PRKD1: variants seen among roughly 807,000 people sequenced by gnomAD.
The protein encoded by PRKD1 is protein kinase D1, also known as serine/threonine-protein kinase D1.
In PRKD1, 63 loss-of-function variants were observed where a neutral mutation model predicts 95.9. The observed-to-expected ratio is 0.66, with a 90% CI of 0.54 to 0.81. PRKD1 has a LOEUF of 0.81. PRKD1 is among the 30% of genes least tolerant of loss of function. PRKD1 has a pLI of 0.00. For missense variants in PRKD1, 1,048 were observed against 1,165.3 expected (o/e 0.90, Z 1.47); for synonymous variants, 425 against 423.1 (o/e 1.00, Z -0.05).
rs1339474902 is a variant in PRKD1 at position 29,927,379 on chromosome 14, G to A, written c.134C>T (p.Pro45Leu). 1.8e-5 allele frequency: 28 copies of A among 1,555,992 alleles called. No homozygotes were observed. Among genetic ancestry groups the A allele is most frequent in the Admixed American group, 3.7e-5 (2 of 53,692 alleles). The change falls in exon 1 of 18, where the codon CCG becomes CTG. Residue 45 changes from proline (P) to leucine (L), a missense_variant. Physicochemically the swap from Pro to Leu is moderately conservative, Grantham distance 98. Transcript: ENST00000331968. ...PAPFLAPVAA[P>L]VGGISFHLQI... ...CAGATGGAACGAGATGCCCCCGACCGGGGCCGCGACAGGAGCCAAGAACGG... is the reference window on the plus strand; with the variant it reads ...CAGATGGAACGAGATGCCCCCGACCAGGGCCGCGACAGGAGCCAAGAACGG...
chr14:29,757,455 A>C (rs1279715935), intron 1 of PRKD1, among the ~76,000 whole-genome samples: 1 of 152,128 alleles, frequency 6.6e-6, no homozygotes, highest in East Asian at 1.9e-4. Flanking sequence ...CTGAGCAAAG[A>C]GAGAAGAGGC....
At chr14:29,911,227 T>C (rs756517009) in intron 1 of PRKD1, among the ~76,000 whole-genome samples, 3 of 152,184 alleles carry the variant, frequency 2.0e-5, no homozygotes, top group South Asian at 2.1e-4. Context: ...AAATCAAATA[T>C]CTTAAATTTA....
chr14:29,875,515 T>C (rs1484167289), intron 1 of PRKD1, among the ~76,000 whole-genome samples: 3 of 152,218 alleles, frequency 2.0e-5, no homozygotes, highest in Non-Finnish European at 4.4e-5. Flanking sequence ...ATTGTTGGCA[T>C]AATATTGTTT....
intron 1 of PRKD1, among the ~76,000 whole-genome samples, chr14:29,789,315 ATT>A (rs1487805384): frequency 1.3e-5 from 2 of 151,834 alleles, no homozygotes; most frequent in African/African-American, 4.8e-5. Context: ...TTGCTTTTTC[ATT>A]TTTCTGTGCC....
At chr14:29,872,332 A>G (rs1227024305) in intron 1 of PRKD1, among the ~76,000 whole-genome samples, 3 of 152,218 alleles carry the variant, frequency 2.0e-5, no homozygotes, top group Admixed American at 1.3e-4. Context: ...ACTAGAATGA[A>G]AAGGAAAAAA....
At chr14:29,782,840 G>A (rs1250400873) in intron 1 of PRKD1, among the ~76,000 whole-genome samples, 1 of 152,038 alleles carries the variant, frequency 6.6e-6, no homozygotes, top group East Asian at 1.9e-4. Flanking sequence ...CACTGCCCCT[G>A]GCCCAAATTG....
intron 1 of PRKD1, among the ~76,000 whole-genome samples, chr14:29,763,928 C>G (rs955248956): frequency 1.3e-5 from 2 of 152,124 alleles, no homozygotes; most frequent in African/African-American, 4.8e-5. Flanking sequence ...CTAAATTACC[C>G]TTCCCTTCCT....
At chr14:29,724,973 T>C (rs1424243571) in intron 2 of PRKD1, among the ~76,000 whole-genome samples, 1 of 152,076 alleles carries the variant, frequency 6.6e-6, no homozygotes, top group Non-Finnish European at 1.5e-5. Flanking sequence ...AAACAAGAAA[T>C]AAAAAATGTG....
At chr14:29,738,602 A>C (rs1452100339) in intron 1 of PRKD1, among the ~76,000 whole-genome samples, 2 of 152,026 alleles carry the variant, frequency 1.3e-5, no homozygotes, top group Non-Finnish European at 2.9e-5. Flanking sequence ...AACCCATCTT[A>C]CTTTGTTATT....
At chr14:29,917,050 G>C (rs902727600) in intron 1 of PRKD1, among the ~76,000 whole-genome samples, 2 of 152,104 alleles carry the variant, frequency 1.3e-5, no homozygotes, top group Admixed American at 6.6e-5. Context: ...TAGAAGGGAG[G>C]GGGGGAAATG....
rs76123363 is a variant in PRKD1, at chr14:29,909,322, G to T, written c.264+17927C>A. Among the ~76,000 whole-genome samples the T allele has an allele frequency of 1.9e-4, 7 of 37,592 alleles. No individual in the cohort carries two copies. The Admixed American group carries it at 2.9e-3, about 15-fold the overall frequency. The allele number at this position is 37,592 out of a possible 152,430, so 24.7% of individuals were successfully genotyped here. On this transcript the variant is annotated intron_variant, in intron 1 of 17. Transcript: ENST00000331968. ...CCCCCCATGGGCTCCTGCACAGCCC[G>T]AGCCTCCCCAGTGAGTGCCATCCCC...
At chr14:29,834,152 G>C (rs925132687) in intron 1 of PRKD1, among the ~76,000 whole-genome samples, 2 of 152,032 alleles carry the variant, frequency 1.3e-5, no homozygotes, top group Admixed American at 1.3e-4. Flanking sequence ...TTTAAGTAGG[G>C]TTTCTCAGTA....
intron 1 of PRKD1, among the ~76,000 whole-genome samples, chr14:29,893,238 T>C (rs1894001302): frequency 6.6e-6 from 1 of 152,088 alleles, no homozygotes; most frequent in Non-Finnish European, 1.5e-5. Context: ...AAGATCAGAT[T>C]TCCAAATATT....
intron 1 of PRKD1, among the ~76,000 whole-genome samples, chr14:29,779,363 G>A (rs1017373695): frequency 6.6e-6 from 1 of 152,150 alleles, no homozygotes; most frequent in Admixed American, 6.5e-5. Context: ...GTTTTCAGAT[G>A]ACATGATTTT....
At chr14:29,621,807 A>G (rs1335393185) in intron 13 of PRKD1, among the ~76,000 whole-genome samples, 1 of 152,212 alleles carries the variant, frequency 6.6e-6, no homozygotes, top group Non-Finnish European at 1.5e-5. Flanking sequence ...TGAATGAGGC[A>G]AAGAATGATT....
chr14:29,783,093 G>A (rs527519842), intron 1 of PRKD1, among the ~76,000 whole-genome samples: 1 of 152,202 alleles, frequency 6.6e-6, no homozygotes, highest in East Asian at 1.9e-4. Context: ...CTGAACACTA[G>A]AATGTATTCC....
Position 29,927,330 on chromosome 14 carries a change from C to T in PRKD1, c.183G>A (p.Pro61=), listed in dbSNP as rs141571338. ...FHLQIGLSRE[P]VLLLQDSSGD... ...CGGACGAGTCCTGCAGCAGCAGCAC[C>T]GGCTCACGGCTCAGGCCGATCTGCA... is the stretch of plus-strand genomic sequence containing the variant. Residue 61 remains proline (P), a synonymous_variant, in exon 1 of 18, where the codon CCG becomes CCA. Transcript: ENST00000331968. The T allele has an allele frequency of 2.7e-5, 42 of 1,562,464 alleles. No individual in the cohort carries two copies. The highest frequency in any genetic ancestry group is 3.6e-5 in the Non-Finnish European group (42 of 1,156,386).
intron 16 of PRKD1, among the ~76,000 whole-genome samples, chr14:29,579,084 T>C (rs1171317006): frequency 6.6e-6 from 1 of 151,874 alleles, no homozygotes; most frequent in Non-Finnish European, 1.5e-5. Context: ...GTACTCTGCT[T>C]GTGACTGGGG....
At chr14:29,848,833 A>G (rs891162541) in intron 1 of PRKD1, among the ~76,000 whole-genome samples, 3 of 145,902 alleles carry the variant, frequency 2.1e-5, no homozygotes, top group Non-Finnish European at 4.7e-5. Context: ...AGATGTAGAT[A>G]AAGTCAATAA....
Sources: allele counts gnomAD v4.1 joint callset (sites outside exome capture counted in the v4.1 genomes callset), GRCh38; gene constraint gnomAD v4.1.1; transcripts MANE v1.5; gene names NCBI Gene and HGNC (gene_info 2026-07-23, HGNC 2026-07-21).